TGDS: variants seen among roughly 807,000 people sequenced by gnomAD.
The protein encoded by TGDS is UDP-D-glucose 4,6-dehydratase.
Under a neutral mutation model 52.3 loss-of-function variants are expected in TGDS, and 47 were observed. The ratio of observed to expected loss-of-function variants is 0.90; its 90% CI spans 0.71 to 1.15. The LOEUF is 1.15. Among genes scored for constraint, TGDS ranks in the 50% most tolerant of loss-of-function variants. The pLI is 0.00. For synonymous variants in TGDS, 115 were observed against 136.9 expected (o/e 0.84, Z 1.12); for missense variants, 375 against 418.4 (o/e 0.90, Z 0.90).
At chr13:94,581,939 C>A (rs890664388) in intron 5 of TGDS, among the ~76,000 whole-genome samples, 1 of 152,088 alleles carries the variant, frequency 6.6e-6, no homozygotes. Flanking sequence ...GTGGCTCATA[C>A]CTATAATCCC....
At chr13:94,593,794 A>T (rs777298756) in intron 2 of TGDS, 47 bp downstream of exon 2, 1 of 1,268,060 alleles carries the variant, frequency 7.9e-7, no homozygotes, top group Admixed American at 2.2e-5. Flanking sequence ...GAAAACATAA[A>T]TTGAAATGTA....
intron 1 of TGDS, among the ~76,000 whole-genome samples, chr13:94,594,605 A>G (rs1889311553): frequency 6.6e-6 from 1 of 152,120 alleles, no homozygotes; most frequent in African/African-American, 2.4e-5. Flanking sequence ...CCCTTGACCA[A>G]ATTATGAACT....
At chr13:94,579,747 G>A (rs1375372883) in intron 7 of TGDS, 147 bp downstream of exon 7, 4 of 489,342 alleles carry the variant, frequency 8.2e-6, no homozygotes, top group Non-Finnish European at 1.4e-5. Context: ...TAAGTCTGAA[G>A]GAATCTGCAA....
chr13:94,580,983 A>G (rs1594442908), intron 6 of TGDS, 108 bp downstream of exon 6: 5 of 641,066 alleles, frequency 7.8e-6, no homozygotes, highest in Non-Finnish European at 9.6e-6. Context: ...AACAATAAAT[A>G]GAAAACTTAA....
chr13:94,587,115 G>A (rs576247513), intron 4 of TGDS, among the ~76,000 whole-genome samples: 1 of 151,904 alleles, frequency 6.6e-6, no homozygotes, highest in South Asian at 2.1e-4. Context: ...AAAACCTGTA[G>A]GATTCAGATA....
At chr13:94,591,088 A>T (rs1889185471) in intron 3 of TGDS, 145 bp from the exon 4 acceptor site, 2 of 606,308 alleles carry the variant, frequency 3.3e-6, no homozygotes, top group Non-Finnish European at 5.8e-6. Flanking sequence ...TCAAACAAGG[A>T]TACCAATGAT....
At chr13:94,580,172 C>T (rs570139175) in intron 6 of TGDS, among the ~76,000 whole-genome samples, 3 of 152,070 alleles carry the variant, frequency 2.0e-5, no homozygotes, top group African/African-American at 7.2e-5. Flanking sequence ...GAGGAATATT[C>T]TTTTATTAGT....
chr13:94,595,988 A>T, intron 1 of TGDS, 63 bp downstream of exon 1: 1 of 1,596,910 alleles, frequency 6.3e-7, no homozygotes, highest in Non-Finnish European at 8.6e-7. Context: ...GGGCAAGCAG[A>T]GCTGCGGGAA....
intron 4 of TGDS, among the ~76,000 whole-genome samples, chr13:94,584,701 GA>G (rs1888919201): frequency 6.6e-6 from 1 of 152,120 alleles, no homozygotes; most frequent in Admixed American, 6.6e-5. Context: ...GATCTAGGGG[GA>G]AAAACATTGA....
chr13:94,593,090 G>T (rs1295208516), intron 2 of TGDS, among the ~76,000 whole-genome samples: 1 of 152,016 alleles, frequency 6.6e-6, no homozygotes, highest in African/African-American at 2.4e-5. Context: ...GGAGGTGGAG[G>T]TTGCAGTGAG....
At position 94,596,018 on chromosome 13, in the gene TGDS, A is replaced by G. The variant is rs200034787; in HGVS notation, c.86+33T>C. The G allele has an allele frequency of 8.1e-5, 131 of 1,612,880 alleles. No individual in the cohort carries two copies. The Admixed American group carries it at 2.1e-3, about 26-fold the overall frequency. On this transcript the variant is annotated intron_variant, in intron 1 of 11. Coordinates refer to ENST00000261296, the MANE Select transcript of TGDS (RefSeq NM_014305.4). ...CGGGAAAAGGTAGGGGTTTCTGGGG[A>G]GCCACTGCTTGGCTAGCGGCGCCAT... is the stretch of plus-strand genomic sequence containing the variant.
chr13:94,583,403 A>G (rs952480239), intron 4 of TGDS, among the ~76,000 whole-genome samples, 167 bp from the exon 5 acceptor site: 1 of 152,246 alleles, frequency 6.6e-6, no homozygotes, highest in Non-Finnish European at 1.5e-5. Context: ...TGATTTCTTT[A>G]AACCTAAATT....
intron 4 of TGDS, among the ~76,000 whole-genome samples, chr13:94,584,040 A>C (rs550206911): frequency 6.6e-6 from 1 of 152,244 alleles, no homozygotes; most frequent in Non-Finnish European, 1.5e-5. Flanking sequence ...AAAAGTTGAC[A>C]AATCACTTAG....
intron 5 of TGDS, 22 bp from the exon 6 acceptor site, chr13:94,581,211 T>C: frequency 7.0e-7 from 1 of 1,434,758 alleles, no homozygotes. Context: ...AATATATATT[T>C]AAAAAAGTGT....
At chr13:94,591,164 A>G (rs1889188921) in intron 3 of TGDS, among the ~76,000 whole-genome samples, 1 of 152,250 alleles carries the variant, frequency 6.6e-6, no homozygotes, top group Non-Finnish European at 1.5e-5. Context: ...TAATATTTTA[A>G]TGAGCACCAA....
chr13:94,584,490 G>C (rs77918410), intron 4 of TGDS, among the ~76,000 whole-genome samples: 2,308 of 152,326 alleles, frequency 0.015, 74 homozygotes, highest in African/African-American at 0.053. Flanking sequence ...TCTCAATGCG[G>C]ATTGGACATT....
chr13:94,594,584 GGA>G (rs1889310429), intron 1 of TGDS, among the ~76,000 whole-genome samples: 1 of 152,122 alleles, frequency 6.6e-6, no homozygotes, highest in African/African-American at 2.4e-5. Flanking sequence ...TGGGCTCCCA[GGA>G]GAGGGGAGCC....
At chr13:94,575,543 G>A (rs1385684898) in intron 11 of TGDS, among the ~76,000 whole-genome samples, 1 of 151,878 alleles carries the variant, frequency 6.6e-6, no homozygotes, top group Non-Finnish European at 1.5e-5. Flanking sequence ...TCCCACTTTG[G>A]TCTCCAAAGT....
intron 4 of TGDS, among the ~76,000 whole-genome samples, chr13:94,587,446 C>T (rs1248377930): frequency 1.3e-5 from 2 of 152,042 alleles, no homozygotes; most frequent in Non-Finnish European, 2.9e-5. Flanking sequence ...GTAATTAAGA[C>T]AGTGTGATAA....
Sources: allele counts gnomAD v4.1 joint callset (sites outside exome capture counted in the v4.1 genomes callset), GRCh38; gene constraint gnomAD v4.1.1; transcripts MANE v1.5; gene names NCBI Gene and HGNC (gene_info 2026-07-23, HGNC 2026-07-21).